The following WASHC5 variants were observed in gnomAD, a reference collection of about 807,000 sequenced individuals.
WASHC5 encodes the protein WASH complex subunit strumpellin.
In WASHC5, 101 loss-of-function variants were observed where a neutral mutation model predicts 150.4. The ratio of observed to expected loss-of-function variants is 0.67; its 90% CI spans 0.57 to 0.79. The LOEUF (loss-of-function observed/expected upper bound fraction) is 0.79. Ranked by LOEUF, WASHC5 falls within the 30% of genes least tolerant of loss-of-function variation. The pLI is 0.00. For missense variants in WASHC5, 1,195 were observed against 1,396.3 expected (o/e 0.86, Z 2.30); for synonymous variants, 467 against 491.2 (o/e 0.95, Z 0.65).
At chr8:125,080,372 G>A (rs1025988218) in intron 5 of WASHC5, among the ~76,000 whole-genome samples, 2 of 152,178 alleles carry the variant, frequency 1.3e-5, no homozygotes, top group Admixed American at 6.5e-5. Flanking sequence ...AAACATGGAT[G>A]TTAAAACAGC....
At chr8:125,043,799 T>C (rs571682018) in intron 23 of WASHC5, 26 bp downstream of exon 23, 5 of 1,507,980 alleles carry the variant, frequency 3.3e-6, no homozygotes, top group South Asian at 2.2e-5. Flanking sequence ...AAGTATTGAC[T>C]GTACACCCTC....
At chr8:125,039,925 G>A in intron 23 of WASHC5, 27 bp from the exon 24 acceptor site, 3 of 1,487,824 alleles carry the variant, frequency 2.0e-6, no homozygotes, top group Non-Finnish European at 2.8e-6. Context: ...GAAAGAACAG[G>A]TAGTGCATTC....
chr8:125,029,735 T>A (rs1815473118), intron 27 of WASHC5, among the ~76,000 whole-genome samples: 1 of 152,270 alleles, frequency 6.6e-6, no homozygotes, highest in African/African-American at 2.4e-5. Context: ...CCTTCTTGTT[T>A]ACATCAAAAG....
At chr8:125,037,431 T>C in intron 25 of WASHC5, 98 bp from the exon 26 acceptor site, 1 of 807,810 alleles carries the variant, frequency 1.2e-6, no homozygotes, top group East Asian at 2.5e-5. Context: ...TACTTCAATT[T>C]GCTCTTTGGC....
At chr8:125,070,507 C>T (rs1337953800) in intron 9 of WASHC5, among the ~76,000 whole-genome samples, 1 of 152,174 alleles carries the variant, frequency 6.6e-6, no homozygotes, top group Non-Finnish European at 1.5e-5. Context: ...CAGGCAGAGT[C>T]ACACAGAAGA....
rs1456376286 is a variant in WASHC5, at chr8:125,050,661, T to G, written c.2102A>C (p.Asp701Ala). The change falls in exon 18 of 29, where the codon GAT becomes GCT. Residue 701 changes from aspartate (D) to alanine (A), a missense_variant. Transcript: ENST00000318410. Reference sequence around the variant, plus strand: ...TCCATCTTCCAGCAACTGCTTTGGATCCACCTAAGTGCCAATCAAAAGTAT... The same window carrying G: ...TCCATCTTCCAGCAACTGCTTTGGAGCCACCTAAGTGCCAATCAAAAGTAT... ...KTTLVGIIKVDPKQLLEDGIR... is the reference protein window; with the variant it reads ...KTTLVGIIKVAPKQLLEDGIR... 6.2e-7 allele frequency: 1 copy of G among 1,612,964 alleles called. No homozygotes were observed. Among genetic ancestry groups the G allele is most frequent in the African/African-American group, 1.3e-5 (1 of 75,024 alleles).
rs964329181 is a variant in WASHC5, at chr8:125,077,919, C to G, written c.711+819G>C. Reference sequence around the variant, plus strand: ...TGTCTTAAAACAACAACAACAACACCACCAACAAAAACCCTCTTATTTATA... The same window carrying G: ...TGTCTTAAAACAACAACAACAACACGACCAACAAAAACCCTCTTATTTATA... On this transcript the variant is annotated intron_variant, in intron 6 of 28. Transcript: ENST00000318410. 2.6e-4 allele frequency among the ~76,000 whole-genome samples: 39 copies of G among 152,032 alleles called. 1 individual carries two copies. The highest frequency in any genetic ancestry group is 5.1e-4 in the Non-Finnish European group (35 of 67,990).
At chr8:125,083,032 A>C in intron 3 of WASHC5, 81 bp downstream of exon 3, 2 of 924,396 alleles carry the variant, frequency 2.2e-6, no homozygotes. Context: ...AGTAACTCAG[A>C]GAGATTTACA....
chr8:125,076,438 C>G lies in WASHC5; in HGVS notation c.774G>C (p.Leu258=), dbSNP rs140661965. 3 of 1,614,048 alleles carry G rather than the reference C, an allele frequency of 1.9e-6. No individual in the cohort carries two copies. In the African/African-American group the frequency reaches 4.0e-5, roughly 22 times the overall value. The change falls in exon 7 of 29, where the codon CTG becomes CTC. Residue 258 remains leucine (L), a synonymous_variant. Coordinates refer to ENST00000318410, the MANE Select transcript of WASHC5 (RefSeq NM_014846.4). ...STALANQAAM[L]YVILYFEPSI... ...AAGGCTCAAAGTAGAGAATCACGTA[C>G]AGCATGGCAGCTTGGTTTGCCAGGG...
At chr8:125,075,794 T>C (rs1586380750) in intron 7 of WASHC5, among the ~76,000 whole-genome samples, 2 of 152,240 alleles carry the variant, frequency 1.3e-5, no homozygotes, top group African/African-American at 4.8e-5. Flanking sequence ...TGCATTTTGT[T>C]AAAGCCTCTT....
At chr8:125,047,764 G>A (rs1025768900) in intron 19 of WASHC5, among the ~76,000 whole-genome samples, 2 of 152,116 alleles carry the variant, frequency 1.3e-5, no homozygotes, top group African/African-American at 4.8e-5. Context: ...GAGACAGGCT[G>A]GTCTCAAACA....
chr8:125,035,808 T>G (rs1418252913), intron 26 of WASHC5, among the ~76,000 whole-genome samples: 2 of 152,216 alleles, frequency 1.3e-5, no homozygotes, highest in Non-Finnish European at 2.9e-5. Flanking sequence ...AAAAAGCTTA[T>G]GAAATAGGAA....
chr8:125,059,368 T>G lies in WASHC5; in HGVS notation c.1688+8A>C. On this transcript the variant is annotated splice_region_variant and intron_variant, in intron 13 of 28. Coordinates refer to ENST00000318410, the MANE Select transcript of WASHC5 (RefSeq NM_014846.4). ...CATCTACAGCAAATGTCAGGCTGCC[T>G]ACATTACCTGTCAATCAACTGCCAA... is the stretch of plus-strand genomic sequence containing the variant. The G allele has an allele frequency of 6.2e-7, 1 of 1,614,122 alleles. No homozygotes were observed. The highest frequency in any genetic ancestry group is 1.3e-5 in the African/African-American group (1 of 75,048).
intron 12 of WASHC5, 104 bp downstream of exon 12, chr8:125,060,978 T>C: frequency 1.4e-6 from 1 of 713,538 alleles, no homozygotes; most frequent in Non-Finnish European, 2.6e-6. Context: ...CTTTTACTTC[T>C]GATGAAATAG....
intron 20 of WASHC5, 151 bp from the exon 21 acceptor site, chr8:125,044,849 G>A (rs1237643831): frequency 1.1e-5 from 9 of 794,380 alleles, no homozygotes; most frequent in South Asian, 8.4e-5. Flanking sequence ...CACCCAATGC[G>A]TCTTCCCAGT....
chr8:125,077,657 T>C (rs1378590790), intron 6 of WASHC5, among the ~76,000 whole-genome samples: 2 of 152,170 alleles, frequency 1.3e-5, no homozygotes, highest in African/African-American at 2.4e-5. Context: ...AAATTCAAGT[T>C]ATGGTTCTGC....
At chr8:125,057,687 A>G in intron 14 of WASHC5, 21 bp from the exon 15 acceptor site, 3 of 1,437,922 alleles carry the variant, frequency 2.1e-6, no homozygotes, top group East Asian at 2.3e-5. Flanking sequence ...AATAAGGTAT[A>G]TCTGTTTCTT....
Position 125,076,438 on chromosome 8 carries a change from C to T in WASHC5, c.774G>A (p.Leu258=), listed in dbSNP as rs140661965. 1.2e-6 allele frequency: 2 copies of T among 1,613,930 alleles called. No homozygotes were observed. The highest frequency in any genetic ancestry group is 2.7e-5 in the African/African-American group (2 of 74,896). ...STALANQAAM[L]YVILYFEPSI... ...AAGGCTCAAAGTAGAGAATCACGTA[C>T]AGCATGGCAGCTTGGTTTGCCAGGG... Residue 258 remains leucine (L), a synonymous_variant, in exon 7 of 29, where the codon CTG becomes CTA. Transcript: ENST00000318410.
intron 9 of WASHC5, among the ~76,000 whole-genome samples, chr8:125,071,121 A>C (rs1248459947): frequency 6.6e-6 from 1 of 152,234 alleles, no homozygotes; most frequent in Admixed American, 6.5e-5. Context: ...GTCCTCAAGG[A>C]AAGTTTGTTG....
Sources: gnomAD v4.1 joint callset for allele counts (sites outside exome capture counted in the v4.1 genomes callset) on GRCh38, gnomAD v4.1.1 for gene constraint, MANE v1.5 for transcripts, NCBI Gene and HGNC (gene_info 2026-07-23, HGNC 2026-07-21) for gene names.